Variants in BTNL2 observed in about 807,000 individuals in gnomAD.
BTNL2 encodes the protein butyrophilin like 2.
Under a neutral mutation model 46.8 loss-of-function variants are expected in BTNL2, and 46 were observed. That is an observed-to-expected ratio of 0.98 (90% CI 0.78 to 1.26). The LOEUF (loss-of-function observed/expected upper bound fraction) is 1.26, where lower values mean the gene tolerates loss of function less well. Among genes scored for constraint, BTNL2 ranks in the 50% most tolerant of loss-of-function variants. BTNL2 has a pLI of 0.00. For synonymous variants in BTNL2, 226 were observed against 229.1 expected (o/e 0.99, Z 0.12); for missense variants, 461 against 592.6 (o/e 0.78, Z 2.31).
intron 4 of BTNL2, among the ~76,000 whole-genome samples, chr6:32,398,150 C>T (rs1776556143): frequency 7.1e-6 from 1 of 141,428 alleles, no homozygotes; most frequent in Non-Finnish European, 1.6e-5. Context: ...AGGCCCTGCC[C>T]GTGCCATTTT....
intron 4 of BTNL2, among the ~76,000 whole-genome samples, chr6:32,401,058 A>G (rs1426709685): frequency 3.4e-5 from 5 of 148,804 alleles, no homozygotes; most frequent in African/African-American, 9.9e-5. Context: ...AATACAAAAA[A>G]TTAGCCGGGC....
chr6:32,406,960 C>G (rs1328566090), intron 1 of BTNL2, 85 bp downstream of exon 1: 2 of 1,324,568 alleles, frequency 1.5e-6, no homozygotes, highest in Non-Finnish European at 2.1e-6. Context: ...CAGACTTACA[C>G]TCTTAGATGT....
chr6:32,402,166 A>G (rs117993693), intron 3 of BTNL2, among the ~76,000 whole-genome samples: 2,661 of 152,360 alleles, frequency 0.017, 74 homozygotes, highest in East Asian at 0.11. Flanking sequence ...ATTACAAAGT[A>G]GAGAGACGAA....
chr6:32,404,182 C>T (rs1358700634), intron 2 of BTNL2, among the ~76,000 whole-genome samples: 1 of 152,206 alleles, frequency 6.6e-6, no homozygotes, highest in Non-Finnish European at 1.5e-5. Flanking sequence ...GAGACGTTAA[C>T]ATCTCCAGAG....
At chr6:32,404,023 C>T (rs73400852) in intron 2 of BTNL2, among the ~76,000 whole-genome samples, 15,806 of 151,936 alleles carry the variant, frequency 0.1, 960 homozygotes, top group East Asian at 0.2. Context: ...TACATCAGTA[C>T]GTTCCCTGTC....
chr6:32,401,097 A>G (rs908105323), intron 4 of BTNL2, among the ~76,000 whole-genome samples: 1 of 148,688 alleles, frequency 6.7e-6, no homozygotes, highest in African/African-American at 2.5e-5. Flanking sequence ...AGTCCCAGCT[A>G]CTTGGGAGGC....
chr6:32,402,217 G>A (rs56894887), intron 3 of BTNL2, among the ~76,000 whole-genome samples: 2,668 of 152,198 alleles, frequency 0.018, 77 homozygotes, highest in East Asian at 0.11. Flanking sequence ...AAATTAAAAT[G>A]TAACATTAAC....
intron 4 of BTNL2, among the ~76,000 whole-genome samples, chr6:32,400,571 A>AG (rs1776685917): frequency 6.6e-6 from 1 of 152,030 alleles, no homozygotes; most frequent in Non-Finnish European, 1.5e-5. Context: ...CACTTATCTC[A>AG]GGTGCAGCAA....
chr6:32,393,377 A>G lies in BTNL2; in HGVS notation c.*19T>C, dbSNP rs1776242749. ...TCTCAGGTGAGCTGTGTTTGAAGCC[A>G]ATGTCACATTCACTGTAAAGAAAGA... On this transcript the variant is annotated 3_prime_UTR_variant, in exon 8 of 8. Transcript: ENST00000454136. This position sits in a 1 kb window ranked among gnomAD's most constrained non-coding sequence, Gnocchi z 4.8. 1 of 152,706 alleles carries G rather than the reference A, an allele frequency of 6.5e-6. No homozygotes were observed. The highest frequency in any genetic ancestry group is 2.1e-4 in the South Asian group (1 of 4,828). 9.5% of individuals were successfully genotyped at this position (152,706 alleles called of 1,614,324 possible).
intron 1 of BTNL2, 110 bp from the exon 2 acceptor site, chr6:32,405,396 A>G: frequency 1.0e-6 from 1 of 976,072 alleles, no homozygotes; most frequent in Non-Finnish European, 1.6e-6. Context: ...AGGGAGAGAT[A>G]TATGTTTAAT....
Position 32,393,711 on chromosome 6 carries a change from A to C in BTNL2, c.*6+252T>G. The stretch of plus-strand genomic sequence containing the variant: ...TCTTCCCTAACCAGATCACTGGGGA[A>C]TGGGCAGCAGGAAATCAAATCATTA... On this transcript the variant is annotated intron_variant, in intron 7 of 7. Transcript: ENST00000454136. The surrounding 1 kb of genome is among the most constrained non-coding windows in gnomAD (Gnocchi z 4.8). The C allele has an allele frequency of 1.1e-5, 4 of 361,806 alleles. No individual in the cohort carries two copies. Among genetic ancestry groups the C allele is most frequent in the South Asian group, 5.3e-5 (1 of 18,776 alleles). The allele number at this position is 361,806 out of a possible 1,614,324, so 22.4% of individuals were successfully genotyped here. A position where few individuals can be genotyped will look rare whatever the true frequency, so the allele number is the denominator to read the frequency against.
At chr6:32,404,724 A>G (rs961180027) in intron 2 of BTNL2, among the ~76,000 whole-genome samples, 2 of 152,232 alleles carry the variant, frequency 1.3e-5, no homozygotes, top group African/African-American at 4.8e-5. Context: ...AATCCTCAAG[A>G]ACAGTCAAAA....
At chr6:32,398,356 C>T (rs946757314) in intron 4 of BTNL2, among the ~76,000 whole-genome samples, 1 of 152,216 alleles carries the variant, frequency 6.6e-6, no homozygotes, top group East Asian at 1.9e-4. Flanking sequence ...AGGAAAGTCC[C>T]TGTCAACACA....
intron 4 of BTNL2, among the ~76,000 whole-genome samples, chr6:32,397,526 T>G (rs1776525040): frequency 6.6e-6 from 1 of 152,024 alleles, no homozygotes; most frequent in African/African-American, 2.4e-5. Context: ...CTGCTAAATT[T>G]AGTCTGTCTA....
In BTNL2 at chr6:32,399,349, T is replaced by C. The variant is rs1403840700; in HGVS notation, c.730+2436A>G. Among the ~76,000 whole-genome samples the C allele has an allele frequency of 1.3e-5, 2 of 152,272 alleles. No homozygotes were observed. Among genetic ancestry groups the C allele is most frequent in the Non-Finnish European group, 2.9e-5 (2 of 68,050 alleles). Reference sequence around the variant, plus strand: ...GCGTGAAGTACACTGAATTATACACTGATTCCTTGAAACCTGATAATCTCA... The same window carrying C: ...GCGTGAAGTACACTGAATTATACACCGATTCCTTGAAACCTGATAATCTCA... On this transcript the variant is annotated intron_variant, in intron 4 of 7. Coordinates refer to ENST00000454136, the MANE Select transcript of BTNL2 (RefSeq NM_001304561.2). This position sits in a 1 kb window ranked among gnomAD's most constrained non-coding sequence, Gnocchi z 5.2.
chr6:32,393,845 GTTACTGGA>G lies in BTNL2; in HGVS notation c.*6+110_*6+117del. ...CTTTCCTGTTTCTCATGTTTCCTTA[GTTACTGGA>G]TATTCACTGACTGCCTCCCATAGGT... On this transcript the variant is annotated intron_variant, in intron 7 of 7. Coordinates refer to ENST00000454136, the MANE Select transcript of BTNL2 (RefSeq NM_001304561.2). The surrounding 1 kb of genome is among the most constrained non-coding windows in gnomAD (Gnocchi z 4.8). 2.9e-6 allele frequency: 4 copies of G among 1,369,560 alleles called. No individual in the cohort carries two copies. In the South Asian group the frequency reaches 4.8e-5, roughly 16 times the overall value. 84.8% of individuals were successfully genotyped at this position (1,369,560 alleles called of 1,614,324 possible).
intron 1 of BTNL2, 166 bp from the exon 2 acceptor site, chr6:32,405,452 A>G (rs918096144): frequency 1.3e-4 from 100 of 794,642 alleles, no homozygotes; most frequent in Non-Finnish European, 1.9e-4. Context: ...TGTTTGTTAC[A>G]GAGTCAATTT....
intron 3 of BTNL2, 70 bp downstream of exon 3, chr6:32,402,865 T>C (rs893417509): frequency 6.8e-7 from 1 of 1,468,752 alleles, no homozygotes; most frequent in South Asian, 1.2e-5. Context: ...AAATACGAGG[T>C]GCTATGGTGC....
intron 1 of BTNL2, among the ~76,000 whole-genome samples, chr6:32,405,807 G>GTTTTTTTTT (rs56858224): frequency 7.8e-6 from 1 of 127,810 alleles, no homozygotes; most frequent in Non-Finnish European, 1.8e-5. Flanking sequence ...TATAAAAACT[G>GTTTTTTTTT]TTTTTTTTTT....
Sources: allele counts gnomAD v4.1 joint callset (sites outside exome capture counted in the v4.1 genomes callset), GRCh38; gene constraint gnomAD v4.1.1; non-coding constraint Gnocchi (gnomAD v3.1); transcripts MANE v1.5; gene names NCBI Gene and HGNC (gene_info 2026-07-23, HGNC 2026-07-21).